GOLIM4: variants seen among roughly 807,000 people sequenced by gnomAD.
GOLIM4 encodes 130 kDa golgi-localized phosphoprotein.
In GOLIM4, 71 loss-of-function variants were observed where a neutral mutation model predicts 107.4. The observed-to-expected ratio is 0.66, with a 90% CI of 0.55 to 0.81. The LOEUF is 0.81. GOLIM4 is among the 30% of genes least tolerant of loss of function. GOLIM4 has a pLI of 0.00. For synonymous variants in GOLIM4, 327 were observed against 294.8 expected, an observed-to-expected ratio of 1.11 and a Z score of -1.12; for missense variants, 830 against 826.1, an observed-to-expected ratio of 1.00 and a Z score of -0.06.
rs142447691 is a variant in GOLIM4 at position 168,081,386 on chromosome 3, T to C, written c.187+13713A>G. On this transcript the variant is annotated intron_variant, in intron 1 of 15. Transcript: ENST00000470487. ...CATGAGCAGCCATCAGCATCTTCCA[T>C]GGACATAGTAGGCAGGGTTGGGAAG... Among the ~76,000 whole-genome samples, 4 of 152,226 alleles carry C rather than the reference T, an allele frequency of 2.6e-5. No individual in the cohort carries two copies. The East Asian group carries it at 7.7e-4, about 29-fold the overall frequency.
chr3:168,031,870 C>T (rs1384699903), intron 9 of GOLIM4, among the ~76,000 whole-genome samples: 1 of 152,170 alleles, frequency 6.6e-6, no homozygotes, highest in East Asian at 1.9e-4. Context: ...GCTGCACTAA[C>T]TGTTGGTTTA....
intron 14 of GOLIM4, among the ~76,000 whole-genome samples, chr3:168,020,148 C>T (rs907253643): frequency 2.0e-5 from 3 of 152,170 alleles, no homozygotes; most frequent in Admixed American, 2.0e-4. Context: ...CAATTTTTAA[C>T]TAATCCCTCT....
intron 1 of GOLIM4, among the ~76,000 whole-genome samples, chr3:168,067,178 C>T (rs1182071346): frequency 4.0e-5 from 6 of 151,854 alleles, no homozygotes; most frequent in African/African-American, 9.7e-5. Context: ...CTATTAAATG[C>T]CACTCCTAAT....
chr3:168,054,245 G>C (rs1233294563), intron 1 of GOLIM4, among the ~76,000 whole-genome samples: 2 of 152,154 alleles, frequency 1.3e-5, no homozygotes, highest in South Asian at 2.1e-4. Context: ...CCAGGCCTGG[G>C]GGGGCAAAAC....
chr3:168,066,609 G>C (rs954629642), intron 1 of GOLIM4, among the ~76,000 whole-genome samples: 1 of 152,052 alleles, frequency 6.6e-6, no homozygotes, highest in East Asian at 1.9e-4. Flanking sequence ...CAGAAAAAAA[G>C]TGTCCTTTAA....
chr3:168,040,024 A>G (rs1389929524), intron 7 of GOLIM4, among the ~76,000 whole-genome samples: 1 of 152,216 alleles, frequency 6.6e-6, no homozygotes, highest in Non-Finnish European at 1.5e-5. Context: ...CCTGATGAGC[A>G]TAGATCGTTT....
Position 168,010,366 on chromosome 3 carries a change from C to T in GOLIM4, c.1994G>A (p.Arg665His), listed in dbSNP as rs773783432. Residue 665 changes from arginine (R) to histidine (H), a missense_variant, in exon 16 of 16, where the codon CGC becomes CAC. Physicochemically the swap from Arg to His is conservative, Grantham distance 29. Transcript: ENST00000470487. ...GTAGTGTTCCTCTCGGCCTTTGGGGCGGTTGTCATCTCGAACTTCTTGCTC... is the reference window on the plus strand; with the variant it reads ...GTAGTGTTCCTCTCGGCCTTTGGGGTGGTTGTCATCTCGAACTTCTTGCTC... ...GEEQEVRDDN[R>H]PKGREEHYEE... The T allele has an allele frequency of 3.5e-5, 56 of 1,612,132 alleles. No individual in the cohort carries two copies. The highest frequency in any genetic ancestry group is 1.9e-4 in the South Asian group (17 of 90,972).
rs953313831 is a variant in GOLIM4 at position 168,075,981 on chromosome 3, CATAT to C, written c.187+19114_187+19117del. Among the ~76,000 whole-genome samples the C allele has an allele frequency of 2.0e-5, 3 of 152,120 alleles. No homozygotes were observed. The East Asian group carries it at 5.8e-4, about 29-fold the overall frequency. ...ATATATAATAATATACACATACATA[CATAT>C]ATACACACACAAACCTCACATTAAA... On this transcript the variant is annotated intron_variant, in intron 1 of 15. Transcript: ENST00000470487.
At chr3:168,050,840 A>C (rs1366831381) in intron 1 of GOLIM4, among the ~76,000 whole-genome samples, 1 of 104,498 alleles carries the variant, frequency 9.6e-6, no homozygotes, top group African/African-American at 3.1e-5. Context: ...TAATAATAAT[A>C]ATAATAATAA....
chr3:168,077,183 A>C (rs910621102), intron 1 of GOLIM4, among the ~76,000 whole-genome samples: 2 of 152,202 alleles, frequency 1.3e-5, no homozygotes, highest in African/African-American at 4.8e-5. Flanking sequence ...AGATGAACTC[A>C]TCATGCCAAA....
intron 1 of GOLIM4, among the ~76,000 whole-genome samples, chr3:168,089,720 G>A (rs1290512280): frequency 4.0e-5 from 6 of 151,206 alleles, no homozygotes; most frequent in African/African-American, 1.5e-4. Context: ...CCAGACGCTG[G>A]AGATGAAGGA....
chr3:168,049,282 T>C (rs1467092863), intron 1 of GOLIM4, among the ~76,000 whole-genome samples: 1 of 152,212 alleles, frequency 6.6e-6, no homozygotes, highest in South Asian at 2.1e-4. Flanking sequence ...TTAACTGTCC[T>C]GGACTAGACC....
Position 168,032,548 on chromosome 3 carries a change from T to C in GOLIM4, c.1148A>G (p.Asn383Ser), listed in dbSNP as rs142300082. Residue 383 changes from asparagine to serine, a missense_variant, in exon 9 of 16, where the codon AAC becomes AGC. Asn to Ser is a conservative substitution (Grantham distance 46). Coordinates refer to ENST00000470487, the MANE Select transcript of GOLIM4 (RefSeq NM_014498.5). ...KEQHEQREAA[N>S]LLEGHARAEV... Reference sequence around the variant, plus strand: ...AGCACGCGCGTGCCCTTCCAGGAGGTTGGCTGCTTCTCGTTGCTCATGCTG... The same window carrying C: ...AGCACGCGCGTGCCCTTCCAGGAGGCTGGCTGCTTCTCGTTGCTCATGCTG... 9.3e-6 allele frequency: 15 copies of C among 1,613,864 alleles called. No individual in the cohort carries two copies. The highest frequency in any genetic ancestry group is 6.7e-5 in the Admixed American group (4 of 59,998).
intron 6 of GOLIM4, 73 bp from the exon 7 acceptor site, chr3:168,040,942 T>C: frequency 1.1e-6 from 1 of 924,904 alleles, no homozygotes; most frequent in African/African-American, 1.6e-5. Flanking sequence ...GATCGTGATA[T>C]GGCTACCCAA....
In GOLIM4 at chr3:168,095,606, C is replaced by CT; in HGVS notation, c.-322dup. On this transcript the variant is annotated 5_prime_UTR_variant, in exon 1 of 16. Transcript: ENST00000470487. ...GCGCCTGTCCCCAGATGCCTCCTGCCTTTTTTCCTTCTTCCCACTTTTTGG... is the reference window on the plus strand; with the variant it reads ...GCGCCTGTCCCCAGATGCCTCCTGCCTTTTTTTCCTTCTTCCCACTTTTTGG... 1 of 302,174 alleles carries CT rather than the reference C, an allele frequency of 3.3e-6. No individual in the cohort carries two copies. The highest frequency in any genetic ancestry group is 6.1e-6 in the Non-Finnish European group (1 of 163,834). 18.7% of individuals were successfully genotyped at this position (302,174 alleles called of 1,614,324 possible).
At chr3:168,042,342 A>G (rs1289534895) in intron 5 of GOLIM4, among the ~76,000 whole-genome samples, 1 of 152,102 alleles carries the variant, frequency 6.6e-6, no homozygotes, top group Admixed American at 6.5e-5. Context: ...TTTTAGTGCG[A>G]TCTTGGCTCA....
At chr3:168,077,556 A>G (rs2108284963) in intron 1 of GOLIM4, among the ~76,000 whole-genome samples, 1 of 152,324 alleles carries the variant, frequency 6.6e-6, no homozygotes, top group Admixed American at 6.5e-5. Context: ...ACCTGTGAAC[A>G]CAATTATATT....
intron 1 of GOLIM4, among the ~76,000 whole-genome samples, chr3:168,085,957 T>C (rs979512814): frequency 1.3e-5 from 2 of 152,114 alleles, no homozygotes; most frequent in African/African-American, 2.4e-5. Flanking sequence ...TGAAGAATTA[T>C]AGTTAAAGAT....
At chr3:168,050,871 A>AT (rs1560090498) in intron 1 of GOLIM4, among the ~76,000 whole-genome samples, 10 of 149,180 alleles carry the variant, frequency 6.7e-5, no homozygotes, top group South Asian at 4.2e-4. Flanking sequence ...AATAATAATA[A>AT]AACCTAGCAG....
Sources: gnomAD v4.1 joint callset for allele counts (sites outside exome capture counted in the v4.1 genomes callset) on GRCh38, gnomAD v4.1.1 for gene constraint, MANE v1.5 for transcripts, NCBI Gene and HGNC (gene_info 2026-07-23, HGNC 2026-07-21) for gene names.